The following MCF2L2 variants were observed in gnomAD, a reference collection of about 807,000 sequenced individuals.
MCF2L2 encodes the protein MCF.2 cell line derived transforming sequence-like 2.
MCF2L2 carries 102 observed loss-of-function variants against 150.2 expected under a neutral mutation model. That is an observed-to-expected ratio of 0.68 (90% CI 0.58 to 0.80). The LOEUF is 0.80. MCF2L2 is among the 30% of genes least tolerant of loss of function. MCF2L2 has a pLI of 0.00. For synonymous variants in MCF2L2, 465 were observed against 491.3 expected (o/e 0.95, Z 0.71); for missense variants, 1,256 against 1,372.8 (o/e 0.91, Z 1.34).
chr3:183,198,053 AT>A (rs1388750395), intron 25 of MCF2L2, among the ~76,000 whole-genome samples: 1 of 152,218 alleles, frequency 6.6e-6, no homozygotes, highest in Non-Finnish European at 1.5e-5. Context: ...TACACCTACC[AT>A]ATGGCCTAAC....
intron 2 of MCF2L2, among the ~76,000 whole-genome samples, chr3:183,380,590 C>T (rs1169734086): frequency 3.3e-5 from 5 of 151,984 alleles, no homozygotes; most frequent in Non-Finnish European, 7.4e-5. Context: ...TTAGTAGAGA[C>T]GGGGTTTCAT....
At chr3:183,328,320 A>T (rs1466934730) in intron 5 of MCF2L2, among the ~76,000 whole-genome samples, 2 of 152,176 alleles carry the variant, frequency 1.3e-5, no homozygotes, top group Non-Finnish European at 2.9e-5. Context: ...GAACCCAAGG[A>T]GGAGGCTGTC....
At chr3:183,224,296 T>C (rs780384865) in intron 18 of MCF2L2, 106 bp from the exon 19 acceptor site, 6 of 722,772 alleles carry the variant, frequency 8.3e-6, no homozygotes, top group Non-Finnish European at 1.5e-5. Flanking sequence ...TATTCTAATG[T>C]GTAAGGAATT....
At chr3:183,379,236 C>A (rs1713372903) in intron 3 of MCF2L2, 61 bp downstream of exon 3, 14 of 1,275,028 alleles carry the variant, frequency 1.1e-5, no homozygotes, top group Middle Eastern at 2.3e-4. Flanking sequence ...CCAGCCCTGC[C>A]ACATGGGAAG....
At chr3:183,397,593 A>G (rs1485614097) in intron 1 of MCF2L2, among the ~76,000 whole-genome samples, 1 of 152,242 alleles carries the variant, frequency 6.6e-6, no homozygotes, top group African/African-American at 2.4e-5. Context: ...AATTAAAACA[A>G]AATGAGATCT....
intron 3 of MCF2L2, among the ~76,000 whole-genome samples, chr3:183,351,234 A>ATATT (rs1187202933): frequency 0.032 from 1,920 of 59,764 alleles, 92 homozygotes; most frequent in East Asian, 0.065. Flanking sequence ...ATATATATAT[A>ATATT]TATTTATTTA....
At chr3:183,397,042 C>T (rs1302294063) in intron 1 of MCF2L2, among the ~76,000 whole-genome samples, 1 of 152,134 alleles carries the variant, frequency 6.6e-6, no homozygotes, top group East Asian at 1.9e-4. Context: ...TGTAAGCCAT[C>T]AAGTTTTATG....
In MCF2L2 at chr3:183,330,868, G is replaced by T. The variant is rs142758530; in HGVS notation, c.487-7517C>A. On this transcript the variant is annotated intron_variant, in intron 5 of 29. Transcript: ENST00000328913. Reference sequence around the variant, plus strand: ...TCTTGGATTCTGTTTTTGTCTATTTGGCATCCTCTCATTACAGGGTCAATT... The same window carrying T: ...TCTTGGATTCTGTTTTTGTCTATTTTGCATCCTCTCATTACAGGGTCAATT... Among the ~76,000 whole-genome samples, 373 of 151,948 alleles carry T rather than the reference G, an allele frequency of 2.5e-3. 1 individual carries two copies. The highest frequency in any genetic ancestry group is 0.01 in the Middle Eastern group (3 of 294).
intron 3 of MCF2L2, among the ~76,000 whole-genome samples, chr3:183,365,606 CACAA>C (rs1373264386): frequency 6.6e-6 from 1 of 152,010 alleles, no homozygotes; most frequent in African/African-American, 2.4e-5. Flanking sequence ...TCATACCAAC[CACAA>C]ACAATCTCAT....
rs1040647819 is a variant in MCF2L2, at chr3:183,245,668, A to G, written c.1863-14651T>C. Among the ~76,000 whole-genome samples the G allele has an allele frequency of 7.9e-5, 12 of 152,326 alleles. 1 individual carries two copies. The South Asian group carries it at 2.5e-3, about 32-fold the overall frequency. On this transcript the variant is annotated intron_variant, in intron 15 of 29. Coordinates refer to ENST00000328913, the MANE Select transcript of MCF2L2 (RefSeq NM_015078.4). The stretch of plus-strand genomic sequence containing the variant: ...AGGAAAACATGTTCTTAAGTTTTAC[A>G]TCCTTCTTCTGTTTTGATTAGGTGT...
chr3:183,417,088 G>T (rs930914279), intron 1 of MCF2L2, among the ~76,000 whole-genome samples: 1 of 114,174 alleles, frequency 8.8e-6, no homozygotes, highest in Non-Finnish European at 1.6e-5. Flanking sequence ...CTACACTCCA[G>T]CCTGGCAACA....
At chr3:183,269,948 C>T (rs766157915) in intron 15 of MCF2L2, 9 of 1,613,978 alleles carry the variant, frequency 5.6e-6, no homozygotes, top group Admixed American at 3.3e-5. Flanking sequence ...CTTACAGATA[C>T]CTCATAAATA....
At chr3:183,232,260 G>A (rs1053143841) in intron 15 of MCF2L2, among the ~76,000 whole-genome samples, 11 of 152,122 alleles carry the variant, frequency 7.2e-5, no homozygotes, top group Non-Finnish European at 1.6e-4. Context: ...GCAAGGAACC[G>A]AGTCCTGCCA....
chr3:183,366,105 G>C (rs1378393569), intron 3 of MCF2L2, among the ~76,000 whole-genome samples: 1 of 152,078 alleles, frequency 6.6e-6, no homozygotes, highest in African/African-American at 2.4e-5. Context: ...ATGCAGGTTT[G>C]AAGGCCCAGG....
At chr3:183,301,014 C>CAAAAAAAAA (rs11388183) in intron 10 of MCF2L2, among the ~76,000 whole-genome samples, 1 of 65,642 alleles carries the variant, frequency 1.5e-5, no homozygotes, top group Non-Finnish European at 3.4e-5. Flanking sequence ...GACTCCATCT[C>CAAAAAAAAA]AAAAAAAAAA....
intron 27 of MCF2L2, among the ~76,000 whole-genome samples, chr3:183,183,221 T>C (rs1297824958): frequency 6.6e-6 from 1 of 152,216 alleles, no homozygotes; most frequent in African/African-American, 2.4e-5. Context: ...GGTCTTGAAC[T>C]CCTGAGCTCA....
chr3:183,341,211 A>T (rs936354827), intron 4 of MCF2L2, among the ~76,000 whole-genome samples: 1 of 152,208 alleles, frequency 6.6e-6, no homozygotes, highest in African/African-American at 2.4e-5. Context: ...CTGGAAGCTG[A>T]GATATTTATC....
At chr3:183,259,756 A>C (rs1725417867) in intron 15 of MCF2L2, among the ~76,000 whole-genome samples, 1 of 152,020 alleles carries the variant, frequency 6.6e-6, no homozygotes. Flanking sequence ...GGAGTCCCTG[A>C]ATCTTTTTTG....
rs145677617 is a variant in MCF2L2, at chr3:183,254,925, C to T, written c.1862+21947G>A. ...CAGAGGCAATTGCTTGCTTGGATAC[C>T]ATATAGGTAAAAGTAACAGTTTTCA... On this transcript the variant is annotated intron_variant, in intron 15 of 29. Transcript: ENST00000328913. 3.6e-3 allele frequency among the ~76,000 whole-genome samples: 545 copies of T among 152,300 alleles called. 4 individuals are homozygous for T. The highest frequency in any genetic ancestry group is 0.012 in the African/African-American group (493 of 41,568).
Sources: allele counts gnomAD v4.1 joint callset (sites outside exome capture counted in the v4.1 genomes callset), GRCh38; gene constraint gnomAD v4.1.1; transcripts MANE v1.5; gene names NCBI Gene and HGNC (gene_info 2026-07-23, HGNC 2026-07-21).